Variants in C16orf96 observed in about 807,000 individuals in gnomAD.
C16orf96 encodes the protein uncharacterized protein C16orf96.
A neutral mutation model predicts 103.6 loss-of-function variants in C16orf96; 108 were observed. That is an observed-to-expected ratio of 1.04 (90% confidence interval 0.89 to 1.22). The LOEUF is 1.22. C16orf96 is among the 50% of genes most tolerant of loss of function. The pLI, the probability that C16orf96 is intolerant of heterozygous loss-of-function variation, is 0.00. For synonymous variants in C16orf96, 566 were observed against 593.5 expected, an observed-to-expected ratio of 0.95 and a Z score of 0.67; for missense variants, 1,586 against 1,464.2, an observed-to-expected ratio of 1.08 and a Z score of -1.36.
At chr16:4,585,677 C>A (rs1458137296) in intron 7 of C16orf96, among the ~76,000 whole-genome samples, 4 of 152,090 alleles carry the variant, frequency 2.6e-5, no homozygotes, top group Non-Finnish European at 5.9e-5. Flanking sequence ...TCTTGGGGTT[C>A]TGGAGGCGGG....
the C16orf96 span, among the ~76,000 whole-genome samples, chr16:4,543,080 T>C: frequency 6.6e-6 from 1 of 152,182 alleles, no homozygotes; most frequent in African/African-American, 2.4e-5. Context: ...CACGGGAGAC[T>C]AATATAATAG....
chr16:4,564,789 C>T lies in C16orf96; in HGVS notation c.421-6772C>T, dbSNP rs147348627. Among the ~76,000 whole-genome samples, 210 of 152,246 alleles carry T rather than the reference C, an allele frequency of 1.4e-3. 1 individual carries two copies. Among genetic ancestry groups the T allele is most frequent in the Middle Eastern group, 6.8e-3 (2 of 294 alleles). ...TCGCGCCGCTGCACTCCAGCCTGAG[C>T]GACAGAGCAAAACTCCATCTCAAAA... On this transcript the variant is annotated intron_variant, in intron 1 of 15. Coordinates refer to ENST00000444310, the MANE Select transcript of C16orf96 (RefSeq NM_001145011.2).
intron 14 of C16orf96, among the ~76,000 whole-genome samples, chr16:4,595,528 AAG>A (rs1392744592): frequency 6.6e-6 from 1 of 152,176 alleles, no homozygotes; most frequent in East Asian, 1.9e-4. Context: ...GAAGGACAAA[AAG>A]AGGAGCCTTC....
chr16:4,599,612 T>C (rs1897243370), intron 15 of C16orf96, among the ~76,000 whole-genome samples: 1 of 152,132 alleles, frequency 6.6e-6, no homozygotes, highest in Admixed American at 6.5e-5. Flanking sequence ...GGAACTGAGG[T>C]TGGAAGGAAC....
intron 9 of C16orf96, among the ~76,000 whole-genome samples, chr16:4,588,867 G>A (rs1391247081): frequency 6.6e-6 from 1 of 152,046 alleles, no homozygotes; most frequent in Non-Finnish European, 1.5e-5. Context: ...TGGAGCTTGA[G>A]ACTCAAACCC....
At position 4,576,215 on chromosome 16, in the gene C16orf96, G is replaced by A. The variant is rs368874235; in HGVS notation, c.1735G>A (p.Ala579Thr). 316 of 1,550,688 alleles carry A rather than the reference G, an allele frequency of 2.0e-4. No homozygotes were observed. In the East Asian group the frequency reaches 3.8e-3, roughly 19 times the overall value. ...AIAAAAAAAY[A>T]AATSSAAQAA... ...CGCCGCCGCTGCCGCCGCAGCCTAC[G>A]CCGCTGCCACATCCTCCGCTGCCCA... Residue 579 changes from alanine to threonine, a missense_variant, in exon 5 of 16, where the codon GCC becomes ACC. By Grantham distance (58) the Ala-to-Thr change is moderately conservative (BLOSUM62 0). Coordinates refer to ENST00000444310, the MANE Select transcript of C16orf96 (RefSeq NM_001145011.2).
chr16:4,581,496 G>A (rs2059588526), intron 7 of C16orf96, among the ~76,000 whole-genome samples: 1 of 151,526 alleles, frequency 6.6e-6, no homozygotes, highest in Non-Finnish European at 1.5e-5. Context: ...AGCCGGGCGT[G>A]GTGGCTGGCG....
intron 4 of C16orf96, 45 bp from the exon 5 acceptor site, chr16:4,575,129 G>A (rs995545436): frequency 3.2e-5 from 49 of 1,546,736 alleles, no homozygotes; most frequent in Non-Finnish European, 4.2e-5. Flanking sequence ...AGAGTGGGAG[G>A]CGGGGCTGGA....
chr16:4,584,219 G>T (rs1896859982), intron 7 of C16orf96, among the ~76,000 whole-genome samples: 1 of 151,908 alleles, frequency 6.6e-6, no homozygotes, highest in African/African-American at 2.4e-5. Flanking sequence ...TTTGGGTCTT[G>T]CTCTGTCCCC....
At chr16:4,550,256 T>G in the C16orf96 span, among the ~76,000 whole-genome samples, 1 of 152,116 alleles carries the variant, frequency 6.6e-6, no homozygotes, top group Non-Finnish European at 1.5e-5. Flanking sequence ...AGCTAATTTT[T>G]ATAATTTTAG....
chr16:4,553,530 G>T (rs1357789144), upstream of C16orf96, among the ~76,000 whole-genome samples: 2 of 151,980 alleles, frequency 1.3e-5, no homozygotes, highest in African/African-American at 2.4e-5. Flanking sequence ...TAGAGATGGG[G>T]TTTCACCGTG....
chr16:4,597,710 C>T (rs1370697675), intron 14 of C16orf96, among the ~76,000 whole-genome samples: 1 of 152,118 alleles, frequency 6.6e-6, no homozygotes, highest in Non-Finnish European at 1.5e-5. Flanking sequence ...GCGTGCGCCA[C>T]CACGCCTGGA....
upstream of C16orf96, among the ~76,000 whole-genome samples, chr16:4,553,714 A>G (rs142667233): frequency 2.1e-3 from 312 of 151,958 alleles, 5 homozygotes; most frequent in African/African-American, 7.3e-3. Flanking sequence ...GATTCAAGCA[A>G]CCCGCCCACT....
rs139420507 is a variant in C16orf96, at chr16:4,581,068, G to A, written c.2352+943G>A. Among the ~76,000 whole-genome samples the A allele has an allele frequency of 8.9e-3, 1,314 of 148,222 alleles. 19 individuals carry two copies. The highest frequency in any genetic ancestry group is 0.03 in the African/African-American group (1,210 of 40,336). On this transcript the variant is annotated intron_variant, in intron 7 of 15. Transcript: ENST00000444310. ...GAACCGGGGAGGCAGTGGTTGCGGTGAGCCCCGATCGTGCCATTGCACTCC... is the reference window on the plus strand; with the variant it reads ...GAACCGGGGAGGCAGTGGTTGCGGTAAGCCCCGATCGTGCCATTGCACTCC...
chr16:4,581,623 A>C (rs1467791429), intron 7 of C16orf96, among the ~76,000 whole-genome samples: 1 of 151,842 alleles, frequency 6.6e-6, no homozygotes, highest in Non-Finnish European at 1.5e-5. Flanking sequence ...ACAGAGCAAG[A>C]CTCCGTCTCA....
At chr16:4,541,072 C>A in the C16orf96 span, among the ~76,000 whole-genome samples, 13 of 152,042 alleles carry the variant, frequency 8.6e-5, no homozygotes, top group African/African-American at 3.1e-4. Context: ...TGCTACCACG[C>A]CTGGCTAATT....
rs1897108616 is a variant in C16orf96, at chr16:4,593,612, T to G, written c.2867+296T>G. Among the ~76,000 whole-genome samples the G allele has an allele frequency of 6.6e-6, 1 of 151,990 alleles. No homozygotes were observed. Among genetic ancestry groups the G allele is most frequent in the Admixed American group, 6.6e-5 (1 of 15,230 alleles). On this transcript the variant is annotated intron_variant, in intron 12 of 15. Transcript: ENST00000444310. This position sits in a 1 kb window ranked among gnomAD's most constrained non-coding sequence, Gnocchi z 4.2. ...AACCCCCTGTGAGCTAGGGTTCCTA[T>G]GCCCATGTCCCTGTTTCTTGGCGGA...
intron 1 of C16orf96, among the ~76,000 whole-genome samples, chr16:4,567,296 T>C (rs2059392502): frequency 7.1e-6 from 1 of 141,660 alleles, no homozygotes; most frequent in African/African-American, 2.6e-5. Context: ...TTTTTTTTTT[T>C]TTTTTGAGAT....
intron 1 of C16orf96, among the ~76,000 whole-genome samples, chr16:4,564,844 G>A (rs1343416890): frequency 6.6e-6 from 1 of 152,092 alleles, no homozygotes; most frequent in Non-Finnish European, 1.5e-5. Context: ...TAAAAATTGG[G>A]TTTTTAACTA....
Sources: gnomAD v4.1 joint callset for allele counts (sites outside exome capture counted in the v4.1 genomes callset) on GRCh38, gnomAD v4.1.1 for gene constraint, Gnocchi (gnomAD v3.1) non-coding constraint, MANE v1.5 for transcripts, NCBI Gene and HGNC (gene_info 2026-07-23, HGNC 2026-07-21) for gene names.